The following GABRA2 variants were observed in gnomAD, a reference collection of about 807,000 sequenced individuals.
The protein encoded by GABRA2 is gamma-aminobutyric acid receptor subunit alpha-2.
A neutral mutation model predicts 48.7 loss-of-function variants in GABRA2; 16 were observed. The ratio of observed to expected loss-of-function variants is 0.33; its 90% CI spans 0.22 to 0.50. The LOEUF is 0.50. Among genes scored for constraint, GABRA2 ranks in the 20% least tolerant of loss-of-function variants. GABRA2 has a pLI of 0.98. For synonymous variants in GABRA2, 185 were observed against 184.5 expected (o/e 1.00, Z -0.02); for missense variants, 275 against 535.6 (o/e 0.51, Z 4.80).
chr4:46,375,975 C>T (rs1357186283), intron 3 of GABRA2, among the ~76,000 whole-genome samples: 7 of 152,208 alleles, frequency 4.6e-5, no homozygotes, highest in African/African-American at 1.4e-4. Flanking sequence ...CTTCTCTAAA[C>T]TTCAATAGAA....
intron 8 of GABRA2, among the ~76,000 whole-genome samples, chr4:46,273,512 T>TGC (rs1719865752): frequency 3.1e-5 from 1 of 32,266 alleles, no homozygotes. Context: ...CATATATATA[T>TGC]ATATATATAT....
chr4:46,315,942 TACACAC>T (rs969052829), intron 4 of GABRA2, among the ~76,000 whole-genome samples: 5 of 148,324 alleles, frequency 3.4e-5, no homozygotes, highest in African/African-American at 1.0e-4. Context: ...AGTACATATA[TACACAC>T]ACACACACAC....
At chr4:46,298,959 C>A (rs1725241251) in intron 8 of GABRA2, among the ~76,000 whole-genome samples, 1 of 150,478 alleles carries the variant, frequency 6.6e-6, no homozygotes, top group African/African-American at 2.5e-5. Context: ...GTCTTAAATG[C>A]ACAGCTTTTA....
At chr4:46,355,320 T>A (rs188360291) in intron 3 of GABRA2, among the ~76,000 whole-genome samples, 1 of 152,148 alleles carries the variant, frequency 6.6e-6, no homozygotes, top group African/African-American at 2.4e-5. Flanking sequence ...TAAACTATAT[T>A]TTTTTAGAAT....
chr4:46,351,022 T>C (rs1217455612), intron 3 of GABRA2, among the ~76,000 whole-genome samples: 1 of 151,922 alleles, frequency 6.6e-6, no homozygotes, highest in Non-Finnish European at 1.5e-5. Context: ...ATATCTATAA[T>C]GCATATGTCT....
intron 3 of GABRA2, among the ~76,000 whole-genome samples, chr4:46,335,055 T>C (rs766782204): frequency 1.2e-4 from 19 of 152,156 alleles, no homozygotes; most frequent in Non-Finnish European, 2.1e-4. Flanking sequence ...AGATATTTGA[T>C]ACATCTAACA....
intron 4 of GABRA2, among the ~76,000 whole-genome samples, chr4:46,319,865 A>G (rs1482414788): frequency 6.6e-6 from 1 of 151,842 alleles, no homozygotes; most frequent in Non-Finnish European, 1.5e-5. Flanking sequence ...ACAGCAATTT[A>G]CTTTGATATA....
At chr4:46,276,555 C>T (rs1294199125) in intron 8 of GABRA2, among the ~76,000 whole-genome samples, 1 of 129,508 alleles carries the variant, frequency 7.7e-6, no homozygotes, top group African/African-American at 2.9e-5. Flanking sequence ...GACTCTCAAA[C>T]AGAAACATAA....
intron 3 of GABRA2, among the ~76,000 whole-genome samples, chr4:46,340,311 T>C (rs1732999688): frequency 6.6e-6 from 1 of 151,946 alleles, no homozygotes; most frequent in South Asian, 2.1e-4. Context: ...TATACCACAT[T>C]ACTCTCTAAA....
At chr4:46,312,177 A>G (rs279860) in intron 5 of GABRA2, among the ~76,000 whole-genome samples, 76,820 of 151,986 alleles carry the variant, frequency 0.51, 20,674 homozygotes, top group African/African-American at 0.69. Flanking sequence ...TATTAAAATT[A>G]TATGTTGATA....
At chr4:46,323,818 A>C (rs2109764942) in intron 4 of GABRA2, among the ~76,000 whole-genome samples, 1 of 152,016 alleles carries the variant, frequency 6.6e-6, no homozygotes, top group East Asian at 1.9e-4. Context: ...GAAAGAAATC[A>C]GAAAAAAAAA....
chr4:46,329,461 C>A (rs1299592719), intron 4 of GABRA2, among the ~76,000 whole-genome samples: 1 of 152,062 alleles, frequency 6.6e-6, no homozygotes, highest in African/African-American at 2.4e-5. Flanking sequence ...TCAGCATATA[C>A]CCTCACATGT....
intron 8 of GABRA2, among the ~76,000 whole-genome samples, chr4:46,302,974 G>A (rs953816267): frequency 6.6e-6 from 1 of 152,072 alleles, no homozygotes; most frequent in Non-Finnish European, 1.5e-5. Context: ...TTTACCTTGT[G>A]CTGACTTTTG....
intron 3 of GABRA2, among the ~76,000 whole-genome samples, chr4:46,377,188 G>T (rs1159737875): frequency 1.4e-5 from 2 of 147,342 alleles, no homozygotes; most frequent in Non-Finnish European, 3.0e-5. Flanking sequence ...GTCTCTGCCC[G>T]GCCGCCCATC....
chr4:46,387,024 C>T (rs1717554534), intron 2 of GABRA2: 1 of 152,190 alleles, frequency 6.6e-6, no homozygotes. Context: ...TAAAGCCAAA[C>T]ACCTGATTCT....
chr4:46,389,442 A>G (rs925817396), intron 1 of GABRA2: 1 of 975,380 alleles, frequency 1.0e-6, no homozygotes, highest in African/African-American at 1.8e-5. Context: ...GGCAGCAAAC[A>G]CCAGCCAGGC....
chr4:46,263,748 T>TG (rs113500902), intron 8 of GABRA2, among the ~76,000 whole-genome samples: 3 of 152,216 alleles, frequency 2.0e-5, no homozygotes, highest in African/African-American at 7.2e-5. Context: ...TTCTGTATGT[T>TG]GTTATGGTTT....
chr4:46,311,324 T>C (rs1727610013), intron 5 of GABRA2, among the ~76,000 whole-genome samples: 1 of 152,206 alleles, frequency 6.6e-6, no homozygotes, highest in Non-Finnish European at 1.5e-5. Flanking sequence ...GACTGTATTG[T>C]TGTCCCTTCT....
rs71193857 is a variant in GABRA2 at position 46,265,486 on chromosome 4, T to TTA, written c.857-3360_857-3359dup. Among the ~76,000 whole-genome samples, 217 of 131,084 alleles carry TTA rather than the reference T, an allele frequency of 1.7e-3. 2 individuals carry two copies. Among genetic ancestry groups the TTA allele is most frequent in the South Asian group, 9.0e-3 (42 of 4,684 alleles). The allele number at this position is 131,084 out of a possible 152,430, so 86.0% of individuals were successfully genotyped here. ...ATATATATAATATATTGTGTATATA[T>TTA]TATATATATATATATATGTTTTCTC... On this transcript the variant is annotated intron_variant, in intron 8 of 9. Coordinates refer to ENST00000381620, the MANE Select transcript of GABRA2 (RefSeq NM_000807.4).
Sources: gnomAD v4.1 joint callset for allele counts (sites outside exome capture counted in the v4.1 genomes callset) on GRCh38, gnomAD v4.1.1 for gene constraint, MANE v1.5 for transcripts, NCBI Gene and HGNC (gene_info 2026-07-23, HGNC 2026-07-21) for gene names.